The following IL1R1 variants were observed in gnomAD, a reference collection of about 807,000 sequenced individuals.
IL1R1 encodes the protein interleukin-1 receptor type 1.
IL1R1 carries 22 observed loss-of-function variants against 50.2 expected under a neutral mutation model. That is an observed-to-expected ratio of 0.44 (90% CI 0.31 to 0.63). The LOEUF (loss-of-function observed/expected upper bound fraction) is 0.63. Among genes scored for constraint, IL1R1 ranks in the 20% least tolerant of loss-of-function variants. IL1R1 has a pLI of 0.07. For missense variants in IL1R1, 509 were observed against 676.2 expected (o/e 0.75, Z 2.74); for synonymous variants, 251 against 236.7 (o/e 1.06, Z -0.55).
intron 1 of IL1R1, among the ~76,000 whole-genome samples, chr2:102,124,970 C>T (rs1020479441): frequency 6.6e-6 from 1 of 152,136 alleles, no homozygotes; most frequent in African/African-American, 2.4e-5. Flanking sequence ...ACGAGAACAG[C>T]ATGGGGGAAC....
intron 1 of IL1R1, among the ~76,000 whole-genome samples, chr2:102,113,584 A>G (rs1417119088): frequency 6.6e-6 from 1 of 152,112 alleles, no homozygotes; most frequent in Non-Finnish European, 1.5e-5. Flanking sequence ...TTGACTGGAA[A>G]TCCTGGAACA....
intron 1 of IL1R1, among the ~76,000 whole-genome samples, chr2:102,120,098 G>T (rs2104389846): frequency 6.6e-6 from 1 of 152,144 alleles, no homozygotes; most frequent in East Asian, 1.9e-4. Context: ...TTAATTTTCA[G>T]TGCTTATTTG....
chr2:102,095,958 G>A (rs13013537), intron 1 of IL1R1, among the ~76,000 whole-genome samples: 10 of 151,940 alleles, frequency 6.6e-5, no homozygotes, highest in Non-Finnish European at 1.2e-4. Context: ...AGCCGAGATC[G>A]TGCCACTGCA....
intron 1 of IL1R1, among the ~76,000 whole-genome samples, chr2:102,110,895 A>G (rs777994564): frequency 3.9e-5 from 6 of 152,172 alleles, no homozygotes; most frequent in African/African-American, 1.4e-4. Context: ...AGAAGGCTGC[A>G]GAGACAGCGA....
At chr2:102,116,261 C>G (rs1170289362) in intron 1 of IL1R1, among the ~76,000 whole-genome samples, 1 of 152,162 alleles carries the variant, frequency 6.6e-6, no homozygotes, top group East Asian at 1.9e-4. Context: ...AAGGGCTTTT[C>G]TTGTTCCCCC....
At chr2:102,151,002 C>G (rs1227747164) in intron 1 of IL1R1, among the ~76,000 whole-genome samples, 3 of 152,188 alleles carry the variant, frequency 2.0e-5, no homozygotes, top group Non-Finnish European at 4.4e-5. Flanking sequence ...ACATCTGTGA[C>G]TTTTTAATGT....
intron 1 of IL1R1, among the ~76,000 whole-genome samples, chr2:102,122,789 AAC>A (rs1401116555): frequency 1.3e-5 from 2 of 152,174 alleles, no homozygotes; most frequent in Non-Finnish European, 2.9e-5. Flanking sequence ...GTTTTCAGAA[AAC>A]ACAGTCACTC....
At chr2:102,073,307 A>G (rs1678818273) in intron 1 of IL1R1, among the ~76,000 whole-genome samples, 1 of 152,140 alleles carries the variant, frequency 6.6e-6, no homozygotes, top group African/African-American at 2.4e-5. Flanking sequence ...ACTGGGGGAG[A>G]TGGATAATAG....
intron 1 of IL1R1, among the ~76,000 whole-genome samples, chr2:102,086,572 T>C (rs941540139): frequency 1.2e-4 from 19 of 152,100 alleles, no homozygotes; most frequent in African/African-American, 4.1e-4. Context: ...ACATATATTT[T>C]GGCAGAGCCA....
intron 1 of IL1R1, among the ~76,000 whole-genome samples, chr2:102,124,425 C>T (rs146677396): frequency 1.4e-5 from 2 of 147,862 alleles, no homozygotes; most frequent in African/African-American, 5.0e-5. Context: ...ATCTCCCCCC[C>T]ACCACTGCCC....
chr2:102,135,879 C>A (rs1434939353), intron 1 of IL1R1, among the ~76,000 whole-genome samples: 1 of 152,206 alleles, frequency 6.6e-6, no homozygotes, highest in East Asian at 1.9e-4. Context: ...TTTTTTATTT[C>A]ATTTAATTTA....
At chr2:102,100,523 T>C (rs1680095681), upstream of IL1R1, among the ~76,000 whole-genome samples, 1 of 152,242 alleles carries the variant, frequency 6.6e-6, no homozygotes, top group Non-Finnish European at 1.5e-5. Flanking sequence ...TTGCAGATAC[T>C]TACATGAAAT....
chr2:102,094,090 A>G (rs760908188), intron 1 of IL1R1, among the ~76,000 whole-genome samples: 11 of 152,246 alleles, frequency 7.2e-5, no homozygotes, highest in Non-Finnish European at 1.2e-4. Context: ...ACTACAAAAT[A>G]CTACCATTCA....
chr2:102,149,726 AGGT>A (rs1374575880), intron 1 of IL1R1, among the ~76,000 whole-genome samples: 1 of 152,140 alleles, frequency 6.6e-6, no homozygotes, highest in Non-Finnish European at 1.5e-5. Context: ...GGATAGACAC[AGGT>A]GGACTTCGAC....
chr2:102,168,788 G>A (rs1226491254), intron 7 of IL1R1, 125 bp downstream of exon 7: 1 of 661,066 alleles, frequency 1.5e-6, no homozygotes, highest in African/African-American at 1.9e-5. Flanking sequence ...ATCAATGGAG[G>A]GAAAGTGAGA....
intron 2 of IL1R1, among the ~76,000 whole-genome samples, chr2:102,154,790 T>C (rs1342863773): frequency 6.6e-6 from 1 of 152,224 alleles, no homozygotes; most frequent in East Asian, 1.9e-4. Flanking sequence ...CACCTGCAAA[T>C]GACAGTCCCA....
At chr2:102,098,596 A>T (rs951626248) in intron 1 of IL1R1, among the ~76,000 whole-genome samples, 3 of 152,186 alleles carry the variant, frequency 2.0e-5, no homozygotes, top group Admixed American at 1.3e-4. Flanking sequence ...ATTTAATTGC[A>T]TAGTACACTG....
intron 1 of IL1R1, among the ~76,000 whole-genome samples, chr2:102,151,072 A>G (rs4851548): frequency 0.87 from 132,352 of 152,254 alleles, 57,965 homozygotes; most frequent in East Asian, 0.99. Flanking sequence ...AAAGAATTAC[A>G]ATGGACTTTG....
intron 1 of IL1R1, among the ~76,000 whole-genome samples, chr2:102,123,070 C>T (rs1390459889): frequency 3.9e-5 from 6 of 152,186 alleles, no homozygotes; most frequent in Admixed American, 3.9e-4. Context: ...ACTGAGTAAA[C>T]ATCAACTGAA....
Sources: gnomAD v4.1 joint callset for allele counts (sites outside exome capture counted in the v4.1 genomes callset) on GRCh38, gnomAD v4.1.1 for gene constraint, MANE v1.5 for transcripts, NCBI Gene and HGNC (gene_info 2026-07-23, HGNC 2026-07-21) for gene names.